The following FUT9 variants were observed in gnomAD, a reference collection of about 807,000 sequenced individuals.
FUT9 encodes 4-galactosyl-N-acetylglucosaminide 3-alpha-L-fucosyltransferase 9.
FUT9 carries 15 observed loss-of-function variants against 29.7 expected under a neutral mutation model. The observed-to-expected ratio is 0.51, with a 90% confidence interval of 0.34 to 0.78. The LOEUF (loss-of-function observed/expected upper bound fraction) is 0.78, where lower values mean the gene tolerates loss of function less well. Ranked by LOEUF, FUT9 falls within the 30% of genes least tolerant of loss-of-function variation. The pLI, the probability that FUT9 is intolerant of heterozygous loss-of-function variation, is 0.01. For synonymous variants in FUT9, 169 were observed against 153.7 expected, an observed-to-expected ratio of 1.10 and a Z score of -0.74; for missense variants, 319 against 425.4, an observed-to-expected ratio of 0.75 and a Z score of 2.20.
At chr6:96,086,294 T>A (rs1460495561) in intron 1 of FUT9, among the ~76,000 whole-genome samples, 2 of 152,212 alleles carry the variant, frequency 1.3e-5, no homozygotes, top group African/African-American at 4.8e-5. Context: ...ACATATTTGC[T>A]AGCTATGCAG....
rs574257350 is a variant in FUT9 at position 96,160,644 on chromosome 6, A to G, written c.-8-42504A>G. 2.6e-5 allele frequency among the ~76,000 whole-genome samples: 4 copies of G among 152,334 alleles called. No individual in the cohort carries two copies. In the South Asian group the frequency reaches 8.3e-4, roughly 32 times the overall value. ...AAATAAGTCAAAAAATGTGGAAAAG[A>G]GAAGCTAATAATAGATATTGATGAC... On this transcript the variant is annotated intron_variant, in intron 2 of 2. Transcript: ENST00000302103.
At chr6:96,092,610 T>C (rs1771429307) in intron 1 of FUT9, among the ~76,000 whole-genome samples, 1 of 152,116 alleles carries the variant, frequency 6.6e-6, no homozygotes, top group Admixed American at 6.6e-5. Flanking sequence ...ATGTGTCTTG[T>C]CACAACTCAC....
intron 2 of FUT9, among the ~76,000 whole-genome samples, chr6:96,168,839 C>A (rs1279631414): frequency 6.6e-6 from 1 of 152,018 alleles, no homozygotes; most frequent in Admixed American, 6.5e-5. Flanking sequence ...TAAATGATAA[C>A]AGAAGGGGGC....
chr6:96,082,858 G>C (rs368606643), intron 1 of FUT9, among the ~76,000 whole-genome samples: 3 of 151,990 alleles, frequency 2.0e-5, no homozygotes, highest in African/African-American at 7.2e-5. Context: ...TCAAGAAAGA[G>C]CTTTGTGCAT....
intron 1 of FUT9, among the ~76,000 whole-genome samples, chr6:96,074,955 T>G (rs949336019): frequency 6.6e-6 from 1 of 151,848 alleles, no homozygotes; most frequent in African/African-American, 2.4e-5. Flanking sequence ...TTTTTTTTTT[T>G]AATTCTTTGT....
At chr6:96,195,260 G>A (rs1773602322) in intron 2 of FUT9, among the ~76,000 whole-genome samples, 1 of 152,016 alleles carries the variant, frequency 6.6e-6, no homozygotes, top group Admixed American at 6.6e-5. Context: ...AATGAATCAG[G>A]GATTTATTAT....
intron 1 of FUT9, among the ~76,000 whole-genome samples, chr6:96,034,998 G>A (rs1770325904): frequency 6.6e-6 from 1 of 151,524 alleles, no homozygotes. Context: ...AGAGAACATA[G>A]GCAAATTAGC....
At position 96,123,810 on chromosome 6, in the gene FUT9, G is replaced by A. The variant is rs147982485; in HGVS notation, c.-9+9683G>A. ...TCCAGCTATAGTTGAAATAACTTAT[G>A]AGAAAAAAATCACAGAGGAAATGAT... On this transcript the variant is annotated intron_variant, in intron 2 of 2. Coordinates refer to ENST00000302103, the MANE Select transcript of FUT9 (RefSeq NM_006581.4). 1.9e-3 allele frequency among the ~76,000 whole-genome samples: 294 copies of A among 152,012 alleles called. 1 individual carries two copies. The highest frequency in any genetic ancestry group is 0.01 in the Middle Eastern group (3 of 290).
intron 1 of FUT9, among the ~76,000 whole-genome samples, chr6:96,073,312 G>A (rs1007561188): frequency 4.6e-5 from 7 of 152,026 alleles, no homozygotes; most frequent in African/African-American, 1.7e-4. Context: ...AGCCAGGCGT[G>A]GTGACACACC....
intron 1 of FUT9, among the ~76,000 whole-genome samples, chr6:96,086,854 T>C (rs1321395334): frequency 6.6e-6 from 1 of 152,178 alleles, no homozygotes; most frequent in East Asian, 1.9e-4. Flanking sequence ...AGGAAGATAC[T>C]GTCTGAACTA....
intron 1 of FUT9, among the ~76,000 whole-genome samples, chr6:96,051,594 A>G (rs993192978): frequency 2.0e-5 from 3 of 152,090 alleles, no homozygotes; most frequent in African/African-American, 4.8e-5. Context: ...TCAAGATTGC[A>G]GTAAGCTGAG....
At chr6:96,177,048 T>C (rs1202212518) in intron 2 of FUT9, among the ~76,000 whole-genome samples, 1 of 152,200 alleles carries the variant, frequency 6.6e-6, no homozygotes, top group Non-Finnish European at 1.5e-5. Context: ...CTGTTGGCTC[T>C]TCCCATGGTT....
At position 96,160,924 on chromosome 6, in the gene FUT9, G is replaced by A. The variant is rs570853173; in HGVS notation, c.-8-42224G>A. 1.2e-4 allele frequency among the ~76,000 whole-genome samples: 19 copies of A among 152,254 alleles called. 1 individual carries two copies. In the South Asian group the frequency reaches 3.3e-3, roughly 27 times the overall value. ...AGTATGGGTGACGGACAGAAATAAT[G>A]AAAGACAATATTCTGTTTTTAAACT... On this transcript the variant is annotated intron_variant, in intron 2 of 2. Transcript: ENST00000302103.
intron 2 of FUT9, among the ~76,000 whole-genome samples, chr6:96,130,120 T>C (rs1199353133): frequency 6.6e-6 from 1 of 152,092 alleles, no homozygotes; most frequent in Non-Finnish European, 1.5e-5. Context: ...TTTTGGGAGA[T>C]AAATTTTTTA....
chr6:96,093,992 G>A (rs1771455594), intron 1 of FUT9, among the ~76,000 whole-genome samples: 1 of 152,090 alleles, frequency 6.6e-6, no homozygotes, highest in African/African-American at 2.4e-5. Context: ...AAATTAATGA[G>A]GCTGGAATGT....
chr6:96,031,176 T>C (rs1290412145), intron 1 of FUT9, among the ~76,000 whole-genome samples: 2 of 151,610 alleles, frequency 1.3e-5, no homozygotes, highest in African/African-American at 2.4e-5. Flanking sequence ...TTTCTAACAG[T>C]GCCTAGAGAT....
intron 2 of FUT9, among the ~76,000 whole-genome samples, chr6:96,156,085 G>C (rs1246046863): frequency 6.6e-6 from 1 of 152,156 alleles, no homozygotes; most frequent in African/African-American, 2.4e-5. Context: ...ATGTTCAAAG[G>C]ATGCTTCTGG....
intron 2 of FUT9, among the ~76,000 whole-genome samples, chr6:96,150,396 C>A (rs1772654747): frequency 6.6e-6 from 1 of 152,110 alleles, no homozygotes; most frequent in Non-Finnish European, 1.5e-5. Context: ...TGTGAGGCAC[C>A]AACTGAAAAG....
At position 96,203,950 on chromosome 6, in the gene FUT9, T is replaced by C. The variant is rs775625150; in HGVS notation, c.795T>C (p.Ser265=). 1.9e-5 allele frequency: 30 copies of C among 1,613,416 alleles called. No individual in the cohort carries two copies. In the East Asian group the frequency reaches 6.5e-4, roughly 35 times the overall value. Reference sequence around the variant, plus strand: ...TATACAATGCTTTTCTGGCTGGCTCTGTACCTGTTGTTCTGGGACCATCTA... The same window carrying C: ...TATACAATGCTTTTCTGGCTGGCTCCGTACCTGTTGTTCTGGGACCATCTA... ...EKLYNAFLAG[S]VPVVLGPSRE... Residue 265 remains serine (S), a synonymous_variant, in exon 3 of 3, where the codon TCT becomes TCC. Transcript: ENST00000302103.
Sources: allele counts gnomAD v4.1 joint callset (sites outside exome capture counted in the v4.1 genomes callset), GRCh38; gene constraint gnomAD v4.1.1; transcripts MANE v1.5; gene names NCBI Gene and HGNC (gene_info 2026-07-23, HGNC 2026-07-21).